EYS: variants seen among roughly 807,000 people sequenced by gnomAD.
EYS encodes EGF-like photoreceptor maintenance factor, also known as protein eyes shut homolog.
EYS carries 250 observed loss-of-function variants against 282.1 expected under a neutral mutation model. The ratio of observed to expected loss-of-function variants is 0.89; its 90% CI spans 0.80 to 0.98. The LOEUF is 0.98. Among genes scored for constraint, EYS ranks in the 50% least tolerant of loss-of-function variants. The pLI is 0.00. For synonymous variants in EYS, 1,355 were observed against 1,282.9 expected (o/e 1.06, Z -1.20); for missense variants, 4,016 against 3,709.0 (o/e 1.08, Z -2.15).
chr6:65,515,378 T>C (rs1767084958), intron 2 of EYS, among the ~76,000 whole-genome samples: 2 of 152,160 alleles, frequency 1.3e-5, no homozygotes, highest in South Asian at 4.1e-4. Flanking sequence ...TGGAAGTTGG[T>C]GTGGTGATAC....
intron 13 of EYS, among the ~76,000 whole-genome samples, chr6:65,012,301 C>A (rs1771899641): frequency 6.6e-6 from 1 of 152,152 alleles, no homozygotes; most frequent in Middle Eastern, 3.4e-3. Context: ...ACTTTTTCAA[C>A]AAAGCAACAT....
intron 19 of EYS, among the ~76,000 whole-genome samples, chr6:64,843,777 G>C (rs1480924299): frequency 6.6e-6 from 1 of 152,086 alleles, no homozygotes; most frequent in Non-Finnish European, 1.5e-5. Flanking sequence ...TGTTGGGAAG[G>C]CATGATTGAT....
chr6:64,072,630 A>C (rs1403474822), intron 32 of EYS, among the ~76,000 whole-genome samples: 3 of 151,838 alleles, frequency 2.0e-5, no homozygotes, highest in African/African-American at 7.3e-5. Context: ...AAATGGCATA[A>C]GGCGGTTCTT....
At chr6:63,935,534 T>C (rs1409569244) in intron 35 of EYS, among the ~76,000 whole-genome samples, 2 of 151,992 alleles carry the variant, frequency 1.3e-5, no homozygotes, top group Non-Finnish European at 2.9e-5. Context: ...TGTAAAAAAA[T>C]TTGAAAAGGA....
At chr6:63,723,654 C>A (rs1019195002) in intron 42 of EYS, among the ~76,000 whole-genome samples, 2 of 151,780 alleles carry the variant, frequency 1.3e-5, no homozygotes, top group African/African-American at 4.8e-5. Flanking sequence ...TATGTTCTTA[C>A]GAAAAATTGA....
intron 1 of EYS, among the ~76,000 whole-genome samples, chr6:65,649,153 A>G (rs1767563574): frequency 6.6e-6 from 1 of 150,860 alleles, no homozygotes. Context: ...AAAAAAAAAA[A>G]AAAAAGGAAA....
chr6:65,296,343 T>A (rs1424740749), intron 11 of EYS, among the ~76,000 whole-genome samples: 1 of 151,976 alleles, frequency 6.6e-6, no homozygotes, highest in South Asian at 2.1e-4. Context: ...GCTGAATATA[T>A]CTAGTCTCAA....
chr6:64,002,369 A>G (rs1455716014), intron 33 of EYS, among the ~76,000 whole-genome samples: 1 of 152,246 alleles, frequency 6.6e-6, no homozygotes, highest in Non-Finnish European at 1.5e-5. Flanking sequence ...AGAGCTCAGG[A>G]TACAGAAGGC....
At position 63,863,663 on chromosome 6, in the gene EYS, C is replaced by CTTT. The variant is rs1436358110; in HGVS notation, c.7228+520_7228+522dup. 1.4e-4 allele frequency among the ~76,000 whole-genome samples: 8 copies of CTTT among 55,792 alleles called. 2 individuals are homozygous for CTTT. The highest frequency in any genetic ancestry group is 7.6e-5 in the Non-Finnish European group (2 of 26,222). 36.6% of individuals were successfully genotyped at this position (55,792 alleles called of 152,430 possible). On this transcript the variant is annotated intron_variant, in intron 36 of 42. Transcript: ENST00000503581. ...TTTTTCTTTTCTTTTCTTTTCTTTTCTTTTCTTTTTTCTTTTTTTTTTTTT... is the reference window on the plus strand; with the variant it reads ...TTTTTCTTTTCTTTTCTTTTCTTTTCTTTTTTTCTTTTTTCTTTTTTTTTTTTT...
At chr6:65,271,128 T>TCATATATATATATATATATA (rs1554174612) in intron 12 of EYS, among the ~76,000 whole-genome samples, 1 of 55,788 alleles carries the variant, frequency 1.8e-5, no homozygotes, top group Non-Finnish European at 3.7e-5. Context: ...AATCAATAGA[T>TCATATATATATATATATATA]TATATATATA....
At chr6:64,920,568 T>C (rs1768311855) in intron 15 of EYS, among the ~76,000 whole-genome samples, 1 of 152,160 alleles carries the variant, frequency 6.6e-6, no homozygotes, top group Non-Finnish European at 1.5e-5. Context: ...ATGCTTTATA[T>C]ATTCAGAAGA....
chr6:64,089,194 T>C (rs1772266218), intron 31 of EYS, among the ~76,000 whole-genome samples: 1 of 151,750 alleles, frequency 6.6e-6, no homozygotes, highest in Non-Finnish European at 1.5e-5. Flanking sequence ...ATTTTCCACT[T>C]ATGAGTCTAA....
intron 30 of EYS, among the ~76,000 whole-genome samples, chr6:64,293,868 A>C (rs1768804545): frequency 6.6e-6 from 1 of 152,162 alleles, no homozygotes; most frequent in Admixed American, 6.5e-5. Flanking sequence ...TCTGTAGGGA[A>C]GAAACTAGAG....
chr6:64,562,350 T>C (rs1226784375), intron 26 of EYS, among the ~76,000 whole-genome samples: 1 of 151,956 alleles, frequency 6.6e-6, no homozygotes, highest in Non-Finnish European at 1.5e-5. Flanking sequence ...AGTAAAAATG[T>C]TCATATCTTT....
chr6:64,825,332 T>A (rs1027525466), intron 19 of EYS, among the ~76,000 whole-genome samples: 5 of 151,996 alleles, frequency 3.3e-5, no homozygotes, highest in Non-Finnish European at 7.4e-5. Context: ...TAGCATTCCA[T>A]AAGATGTATT....
chr6:63,992,809 T>A (rs1052765837), intron 34 of EYS, among the ~76,000 whole-genome samples: 3 of 151,760 alleles, frequency 2.0e-5, no homozygotes, highest in African/African-American at 4.8e-5. Context: ...TATTCCATGA[T>A]CATATTGTTG....
chr6:65,165,451 C>T (rs1006905443), intron 12 of EYS, among the ~76,000 whole-genome samples: 13 of 151,058 alleles, frequency 8.6e-5, no homozygotes, highest in Non-Finnish European at 1.5e-4. Context: ...TTTCTTAAAA[C>T]AGAATCCTAT....
At chr6:65,031,319 C>T (rs565733640) in intron 13 of EYS, among the ~76,000 whole-genome samples, 82 of 151,734 alleles carry the variant, frequency 5.4e-4, no homozygotes, top group Non-Finnish European at 8.5e-4. Context: ...TTAGAGAGGT[C>T]ATGAAAGAAG....
chr6:65,263,295 C>T (rs1041306512), intron 12 of EYS, among the ~76,000 whole-genome samples: 2 of 151,836 alleles, frequency 1.3e-5, no homozygotes, highest in African/African-American at 4.8e-5. Context: ...GAGCTATGAT[C>T]GTGCCAATGT....
Sources: gnomAD v4.1 joint callset for allele counts (sites outside exome capture counted in the v4.1 genomes callset) on GRCh38, gnomAD v4.1.1 for gene constraint, MANE v1.5 for transcripts, NCBI Gene and HGNC (gene_info 2026-07-23, HGNC 2026-07-21) for gene names.